The following INTS6 variants were observed in gnomAD, a reference collection of about 807,000 sequenced individuals.
INTS6 encodes integrator complex subunit 6.
INTS6 carries 16 observed loss-of-function variants against 104.9 expected under a neutral mutation model. The observed-to-expected ratio is 0.15, with a 90% CI of 0.10 to 0.23. The LOEUF (loss-of-function observed/expected upper bound fraction) is 0.23, where lower values mean the gene tolerates loss of function less well. INTS6 is among the 10% of genes least tolerant of loss of function. The pLI is 1.00. For synonymous variants in INTS6, 324 were observed against 358.7 expected (o/e 0.90, Z 1.09); for missense variants, 584 against 1,062.8 (o/e 0.55, Z 6.26).
intron 4 of INTS6, among the ~76,000 whole-genome samples, chr13:51,424,681 T>C (rs182230244): frequency 3.8e-3 from 580 of 152,158 alleles, no homozygotes; most frequent in Non-Finnish European, 6.6e-3. Flanking sequence ...GTGTTATGCA[T>C]GTATTTAGAA....
At chr13:51,336,614 TTTC>T in the INTS6 span, among the ~76,000 whole-genome samples, 2 of 152,248 alleles carry the variant, frequency 1.3e-5, no homozygotes, top group East Asian at 3.8e-4. Flanking sequence ...TCGATGGTCC[TTTC>T]TTAAGTAAGA....
intron 15 of INTS6, among the ~76,000 whole-genome samples, chr13:51,370,812 T>C (rs1240075230): frequency 6.6e-6 from 1 of 152,170 alleles, no homozygotes; most frequent in African/African-American, 2.4e-5. Flanking sequence ...CTCAATCCCC[T>C]GTCTGGCCTG....
intron 3 of INTS6, chr13:51,445,630 A>C (rs1952899558): frequency 6.6e-6 from 1 of 152,242 alleles, no homozygotes; most frequent in Admixed American, 6.5e-5. Flanking sequence ...TAGTAATGTG[A>C]ATGCTCAATG....
chr13:51,404,738 A>G (rs914813080), intron 4 of INTS6, among the ~76,000 whole-genome samples: 4 of 152,232 alleles, frequency 2.6e-5, no homozygotes, highest in Non-Finnish European at 5.9e-5. Context: ...ATACCAAATC[A>G]TAACTTTTCT....
chr13:51,432,597 A>G (rs9563052), intron 3 of INTS6, among the ~76,000 whole-genome samples: 5,241 of 152,272 alleles, frequency 0.034, 105 homozygotes, highest in South Asian at 0.063. Context: ...TCATTGACTC[A>G]CTGAATATAG....
intron 3 of INTS6, chr13:51,441,156 A>T (rs1226860988): frequency 6.6e-6 from 1 of 152,180 alleles, no homozygotes; most frequent in Non-Finnish European, 1.5e-5. Flanking sequence ...TCAATACAAT[A>T]TAAGCTAGTG....
chr13:51,450,618 CAG>C (rs1953019892), intron 3 of INTS6: 1 of 986,280 alleles, frequency 1.0e-6, no homozygotes, highest in South Asian at 4.7e-5. Flanking sequence ...ATGCAACAAA[CAG>C]ATTAATTTCC....
chr13:51,409,126 C>T (rs1344181782), intron 4 of INTS6, among the ~76,000 whole-genome samples: 1 of 151,900 alleles, frequency 6.6e-6, no homozygotes, highest in African/African-American at 2.4e-5. Context: ...ATAACGTGTG[C>T]TTAATGATCT....
chr13:51,352,977 T>A (rs562267547), downstream of INTS6, among the ~76,000 whole-genome samples: 1 of 152,198 alleles, frequency 6.6e-6, no homozygotes, highest in Non-Finnish European at 1.5e-5. Flanking sequence ...GAGATTTATA[T>A]GGTATTGGAT....
chr13:51,397,788 T>C (rs1245086281), intron 4 of INTS6, among the ~76,000 whole-genome samples: 2 of 151,908 alleles, frequency 1.3e-5, no homozygotes, highest in Non-Finnish European at 2.9e-5. Context: ...GTCTTGAGAA[T>C]GTGGGGGAAA....
chr13:51,352,758 C>A (rs754326981), downstream of INTS6, among the ~76,000 whole-genome samples: 7 of 151,966 alleles, frequency 4.6e-5, no homozygotes, highest in Non-Finnish European at 1.0e-4. Context: ...AAGGAAGTTA[C>A]CTTCTATCCA....
downstream of INTS6, chr13:51,361,359 C>T: frequency 1.9e-6 from 3 of 1,600,840 alleles, no homozygotes; most frequent in Non-Finnish European, 2.6e-6. Context: ...GCATCTGGAG[C>T]CACAGGTATG....
chr13:51,408,814 T>C (rs1022831111), intron 4 of INTS6, among the ~76,000 whole-genome samples: 2 of 152,212 alleles, frequency 1.3e-5, no homozygotes, highest in African/African-American at 2.4e-5. Context: ...TGAGTTACCT[T>C]GCTTTAATCA....
At position 51,363,248 on chromosome 13, in the gene INTS6, AACTG is replaced by A; in HGVS notation, c.*2500_*2503del. ...CTATTTCAATGGTAGGAGTTTTCAG[AACTG>A]CCTCAGTAATCAGAATGAAAATATA... On this transcript the variant is annotated 3_prime_UTR_variant, in exon 18 of 18. Coordinates refer to ENST00000311234, the MANE Select transcript of INTS6 (RefSeq NM_012141.3). 2.0e-5 allele frequency: 3 copies of A among 152,018 alleles called. No individual in the cohort carries two copies. Among genetic ancestry groups the A allele is most frequent in the Non-Finnish European group, 2.9e-5 (2 of 67,930 alleles). 9.4% of individuals were successfully genotyped at this position (152,018 alleles called of 1,614,324 possible). A position where few individuals can be genotyped will look rare whatever the true frequency, so the allele number is the denominator to read the frequency against.
intron 3 of INTS6, chr13:51,438,016 A>G (rs1466052568): frequency 6.6e-6 from 1 of 152,184 alleles, no homozygotes. Flanking sequence ...CTCAAAAACA[A>G]TAATAATTAA....
chr13:51,398,984 A>G (rs1956388528), intron 4 of INTS6, among the ~76,000 whole-genome samples: 1 of 152,190 alleles, frequency 6.6e-6, no homozygotes, highest in Admixed American at 6.5e-5. Flanking sequence ...CACAAGTTGA[A>G]TGCCTTTGTG....
chr13:51,411,237 ATAAATAAATAAATAAATAAG>A (rs1469342091), intron 4 of INTS6, among the ~76,000 whole-genome samples: 1 of 150,002 alleles, frequency 6.7e-6, no homozygotes, highest in Non-Finnish European at 1.5e-5. Context: ...AAATAAATAA[ATAAATAAATAAATAAATAAG>A]CAAGCAAGCA....
intron 9 of INTS6, 87 bp downstream of exon 9, chr13:51,383,242 C>T: frequency 8.8e-7 from 1 of 1,131,798 alleles, no homozygotes; most frequent in Non-Finnish European, 1.2e-6. Flanking sequence ...TCATTGATTT[C>T]CAGAAGACAA....
rs1470791256 is a variant in INTS6, at chr13:51,362,477, AG to A, written c.*3274del. On this transcript the variant is annotated 3_prime_UTR_variant, in exon 18 of 18. Transcript: ENST00000311234. The stretch of plus-strand genomic sequence containing the variant: ...ATCAGAAGGACACACAAATATTCTT[AG>A]GCTTCGACAATATTGAACAAAGTCT... The A allele has an allele frequency of 2.0e-5, 3 of 152,746 alleles. No individual in the cohort carries two copies. In the Admixed American group the frequency reaches 2.0e-4, roughly 10 times the overall value. 9.5% of individuals were successfully genotyped at this position (152,746 alleles called of 1,614,324 possible).
Sources: gnomAD v4.1 joint callset for allele counts (sites outside exome capture counted in the v4.1 genomes callset) on GRCh38, gnomAD v4.1.1 for gene constraint, MANE v1.5 for transcripts, NCBI Gene and HGNC (gene_info 2026-07-23, HGNC 2026-07-21) for gene names.